The following PDS5A variants were observed in gnomAD, a reference collection of about 807,000 sequenced individuals.
The protein encoded by PDS5A is sister chromatid cohesion protein PDS5 homolog A.
Under a neutral mutation model 167.1 loss-of-function variants are expected in PDS5A, and 42 were observed. That is an observed-to-expected ratio of 0.25 (90% CI 0.20 to 0.33). PDS5A has a LOEUF of 0.33. PDS5A is among the 10% of genes least tolerant of loss of function. PDS5A has a pLI of 1.00. For missense variants in PDS5A, 1,033 were observed against 1,605.9 expected (o/e 0.64, Z 6.10); for synonymous variants, 553 against 554.6 (o/e 1.00, Z 0.04).
rs373723498 is a variant in PDS5A at position 39,866,887 on chromosome 4, A to C, written c.2616T>G (p.Gly872=). The change falls in exon 23 of 33, where the codon GGT becomes GGG. Residue 872 remains glycine (G), a synonymous_variant. Coordinates refer to ENST00000303538, the MANE Select transcript of PDS5A (RefSeq NM_001100399.2). The part of the protein sequence containing the change: ...RLLSAMLVSE[G]DLTEQKRISK... ...TGATCCTCTTTTGCTCTGTCAGGTC[A>C]CCCTCACTAACCAACATCGCTGATA... 3.1e-6 allele frequency: 5 copies of C among 1,612,998 alleles called. No individual in the cohort carries two copies. In the African/African-American group the frequency reaches 6.7e-5, roughly 22 times the overall value.
chr4:39,956,490 C>CA (rs71194945), intron 2 of PDS5A, among the ~76,000 whole-genome samples: 2,093 of 92,148 alleles, frequency 0.023, 43 homozygotes, highest in African/African-American at 0.028. Flanking sequence ...GAGACTGTCT[C>CA]AAAAAAAAAA....
At chr4:39,947,205 G>T (rs1328377750) in intron 2 of PDS5A, among the ~76,000 whole-genome samples, 1 of 152,112 alleles carries the variant, frequency 6.6e-6, no homozygotes, top group Non-Finnish European at 1.5e-5. Context: ...TGTAATCCCA[G>T]CAATTTGGGA....
At position 39,869,540 on chromosome 4, in the gene PDS5A, G is replaced by A. The variant is rs1227378564; in HGVS notation, c.2437-78C>T. The A allele has an allele frequency of 1.2e-5, 10 of 839,206 alleles. No individual in the cohort carries two copies. In the East Asian group the frequency reaches 2.4e-4, roughly 20 times the overall value. The allele number at this position is 839,206 out of a possible 1,614,324, so 52.0% of individuals were successfully genotyped here. ...TTTTGCTGATTAAGTTTTTCATGTTGATCAACACAGCCTCTGAGAAACCTA... is the reference window on the plus strand; with the variant it reads ...TTTTGCTGATTAAGTTTTTCATGTTAATCAACACAGCCTCTGAGAAACCTA... On this transcript the variant is annotated intron_variant, in intron 21 of 32. Transcript: ENST00000303538.
intron 9 of PDS5A, 49 bp downstream of exon 9, chr4:39,913,562 T>C (rs1560478120): frequency 1.0e-6 from 1 of 982,922 alleles, no homozygotes; most frequent in Non-Finnish European, 1.7e-6. Context: ...GACTGCACCC[T>C]ACTGACTATT....
At chr4:39,836,424 C>A (rs1464165122) in intron 32 of PDS5A, among the ~76,000 whole-genome samples, 1 of 152,016 alleles carries the variant, frequency 6.6e-6, no homozygotes, top group Non-Finnish European at 1.5e-5. Context: ...TTTCAGAATT[C>A]CGTAAATGCT....
intron 2 of PDS5A, among the ~76,000 whole-genome samples, chr4:39,943,454 A>T (rs1727422113): frequency 6.6e-6 from 1 of 151,972 alleles, no homozygotes; most frequent in African/African-American, 2.4e-5. Flanking sequence ...ACATTTTACT[A>T]GCTTCTTCCT....
intron 9 of PDS5A, among the ~76,000 whole-genome samples, chr4:39,911,649 G>A (rs1256596689): frequency 2.6e-5 from 4 of 151,820 alleles, no homozygotes; most frequent in African/African-American, 9.7e-5. Flanking sequence ...TGGCTAACAC[G>A]GTGAAACCCT....
At position 39,976,628 on chromosome 4, in the gene PDS5A, G is replaced by A; in HGVS notation, c.-40-11C>T. Reference sequence around the variant, plus strand: ...GTCCTCTACCGGCCTCTATCGGTCAGAAAACCAAAGTTCAGCGGGAAAGGG... The same window carrying A: ...GTCCTCTACCGGCCTCTATCGGTCAAAAAACCAAAGTTCAGCGGGAAAGGG... On this transcript the variant is annotated splice_polypyrimidine_tract_variant and intron_variant, in intron 1 of 32. Transcript: ENST00000303538. 2.7e-6 allele frequency: 4 copies of A among 1,473,588 alleles called. No homozygotes were observed. In the East Asian group the frequency reaches 9.3e-5, roughly 34 times the overall value. The allele number at this position is 1,473,588 out of a possible 1,614,324, so 91.3% of individuals were successfully genotyped here.
At chr4:39,938,908 T>C (rs1370074456) in intron 2 of PDS5A, among the ~76,000 whole-genome samples, 1 of 151,748 alleles carries the variant, frequency 6.6e-6, no homozygotes, top group African/African-American at 2.4e-5. Context: ...AGTCCGAGGT[T>C]GCAGTGAGCC....
chr4:39,957,979 A>G (rs1460641766), intron 2 of PDS5A, among the ~76,000 whole-genome samples: 1 of 151,762 alleles, frequency 6.6e-6, no homozygotes, highest in African/African-American at 2.4e-5. Flanking sequence ...AACACAGAGA[A>G]ACCCTGGCTC....
intron 26 of PDS5A, among the ~76,000 whole-genome samples, chr4:39,852,382 C>A: frequency 6.6e-6 from 1 of 152,228 alleles, no homozygotes; most frequent in East Asian, 1.9e-4. Flanking sequence ...ACCCATCCTA[C>A]GAAGTACACA....
chr4:39,860,285 T>C (rs1718875620), intron 26 of PDS5A, among the ~76,000 whole-genome samples: 1 of 151,830 alleles, frequency 6.6e-6, no homozygotes, highest in South Asian at 2.1e-4. Flanking sequence ...GGCAACATGG[T>C]GAAAACTGGT....
At chr4:39,890,397 G>T (rs1721858702) in intron 16 of PDS5A, 33 bp from the exon 17 acceptor site, 3 of 1,128,906 alleles carry the variant, frequency 2.7e-6, no homozygotes, top group Non-Finnish European at 1.3e-6. Context: ...CCAAAAACGT[G>T]ATTTGCTTTC....
At chr4:39,917,591 A>G (rs556840034) in intron 7 of PDS5A, among the ~76,000 whole-genome samples, 3 of 151,284 alleles carry the variant, frequency 2.0e-5, no homozygotes, top group Non-Finnish European at 4.4e-5. Context: ...TTTTCTTTTT[A>G]TGAGATGGAG....
chr4:39,879,141 T>C (rs1268385147), intron 18 of PDS5A, among the ~76,000 whole-genome samples: 5 of 152,158 alleles, frequency 3.3e-5, no homozygotes, highest in African/African-American at 1.2e-4. Flanking sequence ...TATGTCACAG[T>C]GGTATCATGT....
In PDS5A at chr4:39,926,759, GTTT is replaced by G; in HGVS notation, c.429+13_429+15del. ...TGAAATAATGTTAATAGTTATTAAA[GTTT>G]TTTTTTTTTTACCTCTAATAAATAA... On this transcript the variant is annotated intron_variant, in intron 4 of 32. Transcript: ENST00000303538. 24 of 1,049,738 alleles carry G rather than the reference GTTT, an allele frequency of 2.3e-5. No individual in the cohort carries two copies. The highest frequency in any genetic ancestry group is 2.5e-4 in the Middle Eastern group (1 of 3,982). 65.0% of individuals were successfully genotyped at this position (1,049,738 alleles called of 1,614,324 possible).
intron 31 of PDS5A, among the ~76,000 whole-genome samples, chr4:39,839,657 A>C (rs1030884019): frequency 1.4e-4 from 21 of 150,086 alleles, no homozygotes; most frequent in Admixed American, 4.0e-4. Flanking sequence ...TAATCCTAGT[A>C]TATTTAATGT....
At chr4:39,941,042 G>C (rs1727178022) in intron 2 of PDS5A, among the ~76,000 whole-genome samples, 1 of 152,162 alleles carries the variant, frequency 6.6e-6, no homozygotes, top group Non-Finnish European at 1.5e-5. Context: ...CCAGGTTTCA[G>C]GATTGCCAAT....
intron 14 of PDS5A, among the ~76,000 whole-genome samples, chr4:39,900,217 A>G (rs147196813): frequency 9.2e-5 from 14 of 152,300 alleles, no homozygotes; most frequent in African/African-American, 3.4e-4. Context: ...ACTAGAAAAC[A>G]CCATTTCTTT....
Sources: gnomAD v4.1 joint callset for allele counts (sites outside exome capture counted in the v4.1 genomes callset) on GRCh38, gnomAD v4.1.1 for gene constraint, MANE v1.5 for transcripts, NCBI Gene and HGNC (gene_info 2026-07-23, HGNC 2026-07-21) for gene names.